TBCD: variants seen among roughly 807,000 people sequenced by gnomAD.
The protein encoded by TBCD is tubulin-specific chaperone D.
A neutral mutation model predicts 169.3 loss-of-function variants in TBCD; 105 were observed. The ratio of observed to expected loss-of-function variants is 0.62; its 90% CI spans 0.53 to 0.73. The LOEUF (loss-of-function observed/expected upper bound fraction) is 0.73. TBCD is among the 30% of genes least tolerant of loss of function. The probability of loss-of-function intolerance (pLI) is 0.00; values close to 1 mark genes in which losing one functional copy is unlikely to be tolerated. For synonymous variants in TBCD, 700 were observed against 643.9 expected, an observed-to-expected ratio of 1.09 and a Z score of -1.32; for missense variants, 1,444 against 1,600.1, an observed-to-expected ratio of 0.90 and a Z score of 1.66.
intron 3 of TBCD, among the ~76,000 whole-genome samples, chr17:82,764,552 G>T (rs1331719689): frequency 6.6e-6 from 1 of 152,190 alleles, no homozygotes; most frequent in East Asian, 1.9e-4. Context: ...GGCTGAGGCG[G>T]GAGAATGGCT....
rs1458164453 is a variant in TBCD at position 82,756,216 on chromosome 17, G to C, written c.235+1G>C. On this transcript the variant is annotated splice_donor_variant, in intron 2 of 38. Transcript: ENST00000355528. LOFTEE classifies it high-confidence loss of function. ...CCTCATCTGTTGGACCCGCACCTTG[G>C]TAAGAATAGAAGCTGCTGATTTTGA... The C allele has an allele frequency of 6.2e-7, 1 of 1,608,832 alleles. No homozygotes were observed. The highest frequency in any genetic ancestry group is 1.3e-5 in the African/African-American group (1 of 74,852).
intron 1 of TBCD, 70 bp from the exon 2 acceptor site, chr17:82,756,095 T>G: frequency 1.4e-6 from 2 of 1,386,220 alleles, no homozygotes; most frequent in South Asian, 2.5e-5. Flanking sequence ...CAAGGGAAAA[T>G]GGGGTTTCTG....
chr17:82,816,865 A>G (rs867825823), intron 13 of TBCD, among the ~76,000 whole-genome samples: 2 of 151,710 alleles, frequency 1.3e-5, no homozygotes, highest in African/African-American at 4.8e-5. Context: ...AAAAAAAAAA[A>G]AAAAAGCCGT....
intron 17 of TBCD, among the ~76,000 whole-genome samples, chr17:82,898,744 G>C (rs1326489246): frequency 1.3e-5 from 2 of 152,136 alleles, no homozygotes; most frequent in Admixed American, 1.3e-4. Context: ...TCTGGGTTTC[G>C]AGTCATAATT....
intron 13 of TBCD, among the ~76,000 whole-genome samples, chr17:82,841,381 G>A (rs1027188880): frequency 7.3e-5 from 11 of 151,014 alleles, no homozygotes; most frequent in African/African-American, 9.8e-5. Flanking sequence ...GCAGTGGTGC[G>A]ATCACGGTTC....
At chr17:82,769,388 A>C (rs2048188555) in intron 5 of TBCD, among the ~76,000 whole-genome samples, 2 of 152,192 alleles carry the variant, frequency 1.3e-5, no homozygotes, top group African/African-American at 4.8e-5. Context: ...TGTGGTTAGC[A>C]GCAAGTCACC....
chr17:82,878,537 G>A (rs2058125407), intron 14 of TBCD, among the ~76,000 whole-genome samples: 1 of 100,638 alleles, frequency 9.9e-6, no homozygotes, highest in South Asian at 2.7e-4. Flanking sequence ...AAAGAGTGAT[G>A]TGAGGTGACC....
intron 14 of TBCD, among the ~76,000 whole-genome samples, chr17:82,875,631 A>G (rs1433108892): frequency 6.6e-6 from 1 of 152,172 alleles, no homozygotes; most frequent in Admixed American, 6.5e-5. Context: ...CGAGGCCTGC[A>G]GATCCGAGAT....
At chr17:82,887,232 G>T (rs1004253887) in intron 15 of TBCD, among the ~76,000 whole-genome samples, 1 of 150,422 alleles carries the variant, frequency 6.6e-6, no homozygotes, top group Non-Finnish European at 1.5e-5. Context: ...ACAAATTCAC[G>T]TATCCACCAC....
At chr17:82,793,855 A>G (rs1316104398) in intron 7 of TBCD, among the ~76,000 whole-genome samples, 1 of 151,798 alleles carries the variant, frequency 6.6e-6, no homozygotes, top group Non-Finnish European at 1.5e-5. Flanking sequence ...CACGGATGCG[A>G]TTGGTTGCTT....
chr17:82,835,182 G>C lies in TBCD; in HGVS notation c.1318+20248G>C, dbSNP rs1197406474. 6.6e-6 allele frequency among the ~76,000 whole-genome samples: 1 copy of C among 152,092 alleles called. No individual in the cohort carries two copies. Among genetic ancestry groups the C allele is most frequent in the Non-Finnish European group, 1.5e-5 (1 of 68,012 alleles). On this transcript the variant is annotated intron_variant, in intron 13 of 38. Transcript: ENST00000355528. The surrounding 1 kb of genome is among the most constrained non-coding windows in gnomAD (Gnocchi z 4.5). ...GTGAGGTTTTATGTGTAGACATCAG[G>C]GTGGCTAAAAGTCAAGTGAAAAGCC...
chr17:82,755,974 T>G (rs2047381390), intron 1 of TBCD, among the ~76,000 whole-genome samples, 191 bp from the exon 2 acceptor site: 1 of 152,098 alleles, frequency 6.6e-6, no homozygotes, highest in Non-Finnish European at 1.5e-5. Flanking sequence ...CTCAAAAGGC[T>G]AGAGGGAGGT....
intron 13 of TBCD, among the ~76,000 whole-genome samples, chr17:82,847,720 C>A (rs1186098430): frequency 1.3e-5 from 2 of 152,204 alleles, no homozygotes; most frequent in Non-Finnish European, 2.9e-5. Flanking sequence ...CTCCCGAGTT[C>A]AAGTCATTCT....
intron 6 of TBCD, among the ~76,000 whole-genome samples, chr17:82,773,588 G>A (rs1463967061): frequency 6.6e-6 from 1 of 152,038 alleles, no homozygotes; most frequent in African/African-American, 2.4e-5. Context: ...TGGTCTCCCC[G>A]CGGGGCGGCA....
chr17:82,794,534 G>GC (rs1393958013), intron 7 of TBCD, among the ~76,000 whole-genome samples: 3 of 152,078 alleles, frequency 2.0e-5, no homozygotes, highest in Admixed American at 6.5e-5. Flanking sequence ...AGTGGGCTGT[G>GC]CCCCCCATTT....
chr17:82,888,680 G>C (rs1487107980), intron 15 of TBCD, among the ~76,000 whole-genome samples: 1 of 152,138 alleles, frequency 6.6e-6, no homozygotes, highest in Non-Finnish European at 1.5e-5. Context: ...GGGCGCGTCT[G>C]CTCCTTTTCC....
At position 82,884,074 on chromosome 17, in the gene TBCD, C is replaced by T; in HGVS notation, c.1476-71C>T. ...GCCTGAGTCGTGAGAGAAAGGCTTT[C>T]TCATCGATACTGTGTGGTCTGTACT... On this transcript the variant is annotated intron_variant, in intron 14 of 38. Coordinates refer to ENST00000355528, the MANE Select transcript of TBCD (RefSeq NM_005993.5). This position sits in a 1 kb window ranked among gnomAD's most constrained non-coding sequence, Gnocchi z 4.2. 6.9e-7 allele frequency: 1 copy of T among 1,444,264 alleles called. No homozygotes were observed. The highest frequency in any genetic ancestry group is 9.5e-7 in the Non-Finnish European group (1 of 1,050,920). 89.5% of individuals were successfully genotyped at this position (1,444,264 alleles called of 1,614,324 possible).
chr17:82,942,676 G>A lies in TBCD; in HGVS notation c.*213G>A, dbSNP rs1427350537. On this transcript the variant is annotated 3_prime_UTR_variant, in exon 39 of 39. Transcript: ENST00000355528. ...CCTCTGCCTTCACTTGAACACAAAT[G>A]TGCTTCCTATAAAATCATGTACCAA... is the stretch of plus-strand genomic sequence containing the variant. 1 of 622,004 alleles carries A rather than the reference G, an allele frequency of 1.6e-6. No individual in the cohort carries two copies. The highest frequency in any genetic ancestry group is 2.7e-5 in the East Asian group (1 of 36,446). 38.5% of individuals were successfully genotyped at this position (622,004 alleles called of 1,614,324 possible). A position where few individuals can be genotyped will look rare whatever the true frequency, so the allele number is the denominator to read the frequency against.
chr17:82,859,479 C>T (rs1234140360), intron 13 of TBCD: 1 of 917,092 alleles, frequency 1.1e-6, no homozygotes, highest in Non-Finnish European at 1.3e-6. Context: ...TGTGTCCTCC[C>T]TACACTCACA....
Sources: gnomAD v4.1 joint callset for allele counts (sites outside exome capture counted in the v4.1 genomes callset) on GRCh38, gnomAD v4.1.1 for gene constraint, Gnocchi (gnomAD v3.1) non-coding constraint, MANE v1.5 for transcripts, NCBI Gene and HGNC (gene_info 2026-07-23, HGNC 2026-07-21) for gene names.